Variants in ABCC8 observed in about 807,000 individuals in gnomAD.
ABCC8 encodes the protein ATP binding cassette subfamily C member 8.
ABCC8 carries 137 observed loss-of-function variants against 188.0 expected under a neutral mutation model. The observed-to-expected ratio is 0.73, with a 90% CI of 0.63 to 0.84. The LOEUF is 0.84. Ranked by LOEUF, ABCC8 falls within the 40% of genes least tolerant of loss-of-function variation. ABCC8 has a pLI of 0.00. For missense variants in ABCC8, 1,750 were observed against 2,072.7 expected, an observed-to-expected ratio of 0.84 and a Z score of 3.02; for synonymous variants, 797 against 846.5, an observed-to-expected ratio of 0.94 and a Z score of 1.01.
At chr11:17,462,077 T>G (rs1284208452) in intron 4 of ABCC8, among the ~76,000 whole-genome samples, 6 of 152,108 alleles carry the variant, frequency 3.9e-5, no homozygotes, top group Non-Finnish European at 8.8e-5. Flanking sequence ...GGGTTGGGTT[T>G]AGGTTGGGTT....
rs368018083 is a variant in ABCC8, at chr11:17,428,362, C to G, written c.1967G>C (p.Cys656Ser). ...CTGCAGTGGGCCGGTGAGGCCCCGA[C>G]AATCCTCCCGGGCTGGACGCTTGCG... The part of the protein sequence containing the change: ...VNRKRPARED[C>S]RGLTGPLQSL... The change falls in exon 14 of 39, where the codon TGT becomes TCT. Residue 656 changes from cysteine (C) to serine (S), a missense_variant. By Grantham distance (112) the Cys-to-Ser change is moderately radical. Transcript: ENST00000389817. The G allele has an allele frequency of 6.2e-7, 1 of 1,614,022 alleles. No individual in the cohort carries two copies. Among genetic ancestry groups the G allele is most frequent in the African/African-American group, 1.3e-5 (1 of 74,934 alleles).
intron 11 of ABCC8, among the ~76,000 whole-genome samples, chr11:17,431,997 CT>C (rs1564930619): frequency 1.3e-5 from 2 of 152,226 alleles, no homozygotes; most frequent in Non-Finnish European, 2.9e-5. Context: ...AGCCTCCGGT[CT>C]TCCAGGCCTG....
chr11:17,464,984 T>G lies in ABCC8; in HGVS notation c.413-1380A>C, dbSNP rs1431939162. Among the ~76,000 whole-genome samples, 3 of 152,236 alleles carry G rather than the reference T, an allele frequency of 2.0e-5. No homozygotes were observed. The East Asian group carries it at 5.8e-4, about 29-fold the overall frequency. ...GCACAAATCTGGGATCTGTCCTGCC[T>G]GGCTCAGGGTTAGGAAACAGGTTGA... is the stretch of plus-strand genomic sequence containing the variant. On this transcript the variant is annotated intron_variant, in intron 3 of 38. Transcript: ENST00000389817.
intron 28 of ABCC8, among the ~76,000 whole-genome samples, chr11:17,403,280 C>T (rs1954340835): frequency 6.6e-6 from 1 of 152,202 alleles, no homozygotes; most frequent in Non-Finnish European, 1.5e-5. Context: ...AGAATTGCCT[C>T]CTGCTCCCCA....
chr11:17,439,720 C>T (rs78541034), intron 10 of ABCC8, among the ~76,000 whole-genome samples: 2,143 of 152,294 alleles, frequency 0.014, 31 homozygotes, highest in African/African-American at 0.042. Context: ...TCCCCTCCTC[C>T]GCTGCTCTCT....
At position 17,398,445 on chromosome 11, in the gene ABCC8, G is replaced by C. The variant is rs1954058406; in HGVS notation, c.3651-4C>G. On this transcript the variant is annotated splice_polypyrimidine_tract_variant and splice_region_variant and intron_variant, in intron 29 of 38. Transcript: ENST00000389817. ...CTGCTGGAACCGGGCCTCATACCTG[G>C]AGGGAGGATGAGAAGCTCCTAAGGG... 1 of 1,614,042 alleles carries C rather than the reference G, an allele frequency of 6.2e-7. No individual in the cohort carries two copies.
chr11:17,433,968 G>T (rs1955965571), intron 10 of ABCC8, among the ~76,000 whole-genome samples: 1 of 152,200 alleles, frequency 6.6e-6, no homozygotes, highest in Admixed American at 6.5e-5. Context: ...AGTATTATTG[G>T]TGTTCCCACA....
At chr11:17,419,915 T>C (rs1955257590) in intron 16 of ABCC8, among the ~76,000 whole-genome samples, 1 of 152,164 alleles carries the variant, frequency 6.6e-6, no homozygotes, top group East Asian at 1.9e-4. Flanking sequence ...TCCTGATCTA[T>C]AAAATGGGGG....
At chr11:17,413,075 G>A (rs1954893005) in intron 20 of ABCC8, 1 of 600,502 alleles carries the variant, frequency 1.7e-6, no homozygotes, top group Admixed American at 3.1e-5. Flanking sequence ...TTGTGGAGGG[G>A]ACCCCATCTG....
In ABCC8 at chr11:17,402,662, T is replaced by C. The variant is rs770028071; in HGVS notation, c.3649A>G (p.Arg1217Gly). The C allele has an allele frequency of 1.9e-6, 3 of 1,614,226 alleles. No homozygotes were observed. Among genetic ancestry groups the C allele is most frequent in the Admixed American group, 1.7e-5 (1 of 60,026 alleles). The change falls in exon 29 of 39, where the codon AGG becomes GGG. Residue 1217 changes from arginine (R) to glycine (G), a missense_variant and splice_region_variant. Arg to Gly is a moderately radical substitution (Grantham distance 125). Transcript: ENST00000389817. Reference protein sequence around the residue: ...VEGLTTIRAFRYEARFQQKLL... With the variant: ...VEGLTTIRAFGYEARFQQKLL... ...CCTTGGGGGAATGTGGACTCGTACC[T>C]GAAGGCCCGGATGGTGGTGAGTCCT...
rs1427170540 is a variant in ABCC8 at position 17,448,674 on chromosome 11, A to G, written c.1177-3T>C. 3.1e-6 allele frequency: 5 copies of G among 1,614,094 alleles called. No homozygotes were observed. In the East Asian group the frequency reaches 1.1e-4, roughly 36 times the overall value. ...ATAATTTTATTGTAAATCTTGGTCT[A>G]GAAATGAGAGCAGAGTGTTTCACAT... On this transcript the variant is annotated splice_region_variant and splice_polypyrimidine_tract_variant and intron_variant, in intron 7 of 38. Transcript: ENST00000389817.
At position 17,404,498 on chromosome 11, in the gene ABCC8, C is replaced by G. The variant is rs774803459; in HGVS notation, c.3557+14G>C. ...TGCAAAGCACCTCCCACCCCTCACC[C>G]CTGAGGCCATCACCTGGACGCCACC... On this transcript the variant is annotated intron_variant, in intron 28 of 38. Coordinates refer to ENST00000389817, the MANE Select transcript of ABCC8 (RefSeq NM_000352.6). The surrounding 1 kb of genome is among the most constrained non-coding windows in gnomAD (Gnocchi z 4.7). 2 of 1,612,554 alleles carry G rather than the reference C, an allele frequency of 1.2e-6. No individual in the cohort carries two copies. Among genetic ancestry groups the G allele is most frequent in the South Asian group, 2.2e-5 (2 of 91,038 alleles).
At chr11:17,448,070 C>A in intron 8 of ABCC8, 1 of 191,336 alleles carries the variant, frequency 5.2e-6, no homozygotes, top group Non-Finnish European at 1.1e-5. Flanking sequence ...TACAACATAG[C>A]TTTTAAGATC....
At chr11:17,413,533 G>T in intron 19 of ABCC8, 55 bp from the exon 20 acceptor site, 1 of 1,612,372 alleles carries the variant, frequency 6.2e-7, no homozygotes, top group South Asian at 1.1e-5. Flanking sequence ...GAGTTGGCCC[G>T]AGCACTTGCA....
chr11:17,434,412 G>C (rs1955987214), intron 10 of ABCC8, among the ~76,000 whole-genome samples: 2 of 152,168 alleles, frequency 1.3e-5, no homozygotes, highest in Non-Finnish European at 2.9e-5. Flanking sequence ...CCGTCTCCAG[G>C]AAATTTATCC....
At position 17,431,496 on chromosome 11, in the gene ABCC8, A is replaced by G. The variant is rs571838209; in HGVS notation, c.1672-537T>C. Among the ~76,000 whole-genome samples the G allele has an allele frequency of 1.2e-4, 18 of 152,344 alleles. No homozygotes were observed. In the East Asian group the frequency reaches 2.7e-3, roughly 23 times the overall value. On this transcript the variant is annotated intron_variant, in intron 11 of 38. Coordinates refer to ENST00000389817, the MANE Select transcript of ABCC8 (RefSeq NM_000352.6). ...TGTGAACTCTACACAGCTCAGGGAC[A>G]CTGGCCCCGGGGGAAATAAGCAGAT...
intron 8 of ABCC8, among the ~76,000 whole-genome samples, chr11:17,444,015 G>A (rs1956426742): frequency 2.6e-5 from 4 of 152,094 alleles, no homozygotes; most frequent in Non-Finnish European, 5.9e-5. Flanking sequence ...GGCTTCCTTA[G>A]CTAAAAAGAG....
intron 10 of ABCC8, among the ~76,000 whole-genome samples, chr11:17,440,007 AT>A (rs1956251567): frequency 6.6e-6 from 1 of 152,180 alleles, no homozygotes; most frequent in Admixed American, 6.5e-5. Flanking sequence ...ATAAGAAAAC[AT>A]GTCCCAGGCT....
intron 31 of ABCC8, 164 bp from the exon 32 acceptor site, chr11:17,397,477 T>G (rs1591716053): frequency 6.8e-7 from 1 of 1,460,008 alleles, no homozygotes. Context: ...ACAGGGAGGG[T>G]CAGTCATGTG....
Sources: gnomAD v4.1 joint callset for allele counts (sites outside exome capture counted in the v4.1 genomes callset) on GRCh38, gnomAD v4.1.1 for gene constraint, Gnocchi (gnomAD v3.1) non-coding constraint, MANE v1.5 for transcripts, NCBI Gene and HGNC (gene_info 2026-07-23, HGNC 2026-07-21) for gene names.